Variants in QTRT1 observed in about 807,000 individuals in gnomAD.
QTRT1 encodes the protein queuine tRNA-ribosyltransferase catalytic subunit 1.
A neutral mutation model predicts 44.0 loss-of-function variants in QTRT1; 41 were observed. The ratio of observed to expected loss-of-function variants is 0.93; its 90% CI spans 0.73 to 1.21. QTRT1 has a LOEUF of 1.21. Ranked by LOEUF, QTRT1 falls within the 50% of genes most tolerant of loss-of-function variation. QTRT1 has a pLI of 0.00. For synonymous variants in QTRT1, 226 were observed against 237.1 expected, an observed-to-expected ratio of 0.95 and a Z score of 0.43; for missense variants, 542 against 575.8, an observed-to-expected ratio of 0.94 and a Z score of 0.60.
chr19:10,709,218 T>G (rs1255442529), intron 5 of QTRT1: 1 of 152,234 alleles, frequency 6.6e-6, no homozygotes, highest in Admixed American at 6.6e-5. Flanking sequence ...AAGCCTCAAT[T>G]TCCTCTTGTT....
At chr19:10,709,504 G>C (rs772555009) in intron 5 of QTRT1, 5 of 152,212 alleles carry the variant, frequency 3.3e-5, no homozygotes, top group Admixed American at 6.5e-5. Flanking sequence ...ACGTGGTCAG[G>C]AGTTCGAGAC....
chr19:10,711,764 A>G (rs2068739834), intron 5 of QTRT1: 1 of 271,780 alleles, frequency 3.7e-6, no homozygotes, highest in Non-Finnish European at 7.1e-6. Context: ...GCCTAACATG[A>G]CAGCTGTTAC....
intron 3 of QTRT1, among the ~76,000 whole-genome samples, chr19:10,703,062 C>T (rs1216855738): frequency 9.0e-5 from 12 of 133,202 alleles, no homozygotes; most frequent in Non-Finnish European, 1.7e-4. Context: ...AGCCACCACA[C>T]CTGGCTTTTT....
chr19:10,702,217 G>A lies in QTRT1; in HGVS notation c.414G>A (p.Leu138=), dbSNP rs764114075. 8.7e-6 allele frequency: 14 copies of A among 1,614,030 alleles called. No homozygotes were observed. The highest frequency in any genetic ancestry group is 1.1e-5 in the Non-Finnish European group (13 of 1,180,030). ...RSPYDGNETL[L]SPEKSVQIQN... ...CCTACGACGGCAATGAGACCCTGCT[G>A]AGCCCGGAGAAATCCGTGCAGATCC... Residue 138 remains leucine (L), a synonymous_variant, in exon 3 of 10, where the codon CTG becomes CTA. Transcript: ENST00000250237.
Position 10,713,117 on chromosome 19 carries a change from G to C in QTRT1, c.1060-1G>C. On this transcript the variant is annotated splice_acceptor_variant, in intron 9 of 9. Coordinates refer to ENST00000250237, the MANE Select transcript of QTRT1 (RefSeq NM_031209.3). LOFTEE classifies it high-confidence loss of function. This position sits in a 1 kb window ranked among gnomAD's most constrained non-coding sequence, Gnocchi z 4.3. ...CCCACGCTGACCTCCCCTCCCCGCA[G>C]CTGCAGCTCATGAGCGCCGTCCGCA... The C allele has an allele frequency of 6.2e-7, 1 of 1,609,210 alleles. No homozygotes were observed. Among genetic ancestry groups the C allele is most frequent in the Non-Finnish European group, 8.5e-7 (1 of 1,179,346 alleles).
intron 5 of QTRT1, chr19:10,711,860 A>G (rs1599396668): frequency 2.0e-6 from 1 of 508,084 alleles, no homozygotes; most frequent in East Asian, 3.5e-5. Context: ...CAGCTAAGGG[A>G]CTGTGGGCTG....
At position 10,712,809 on chromosome 19, in the gene QTRT1, G is replaced by T. The variant is rs767510956; in HGVS notation, c.913G>T (p.Val305Leu). The change falls in exon 8 of 10, where the codon GTG becomes TTG. Residue 305 changes from valine to leucine, a missense_variant. By Grantham distance (32) the Val-to-Leu change is conservative. Coordinates refer to ENST00000250237, the MANE Select transcript of QTRT1 (RefSeq NM_031209.3). This position sits in a 1 kb window ranked among gnomAD's most constrained non-coding sequence, Gnocchi z 5.6. ...TGGGAACCTGCAGTTGAGGAAGAAG[G>T]TGTTTGAGAAGGACTTCGGCCCCAT... The part of the protein sequence containing the change: ...PTGNLQLRKK[V>L]FEKDFGPIDP... 3 of 1,614,022 alleles carry T rather than the reference G, an allele frequency of 1.9e-6. No homozygotes were observed. Among genetic ancestry groups the T allele is most frequent in the East Asian group, 2.2e-5 (1 of 44,872 alleles).
intron 3 of QTRT1, among the ~76,000 whole-genome samples, chr19:10,703,814 C>T (rs911605069): frequency 6.6e-6 from 1 of 151,064 alleles, no homozygotes; most frequent in East Asian, 2.0e-4. Flanking sequence ...CCACTGTGCC[C>T]GGCCTATAAG....
At chr19:10,704,265 C>T (rs571274781) in intron 3 of QTRT1, among the ~76,000 whole-genome samples, 2 of 152,320 alleles carry the variant, frequency 1.3e-5, no homozygotes, top group South Asian at 2.1e-4. Context: ...GCATGAGCCA[C>T]TGTGCCAGCC....
chr19:10,702,586 T>C (rs186106255), intron 3 of QTRT1, among the ~76,000 whole-genome samples: 2 of 152,010 alleles, frequency 1.3e-5, no homozygotes, highest in Admixed American at 1.3e-4. Context: ...GGAAGATCAC[T>C]TGAGGCCGGG....
At chr19:10,706,685 CCTTTT>C (rs1470533415) in intron 3 of QTRT1, 136 of 96,094 alleles carry the variant, frequency 1.4e-3, no homozygotes, top group African/African-American at 6.4e-3. Context: ...TTTTTTTTAA[CCTTTT>C]TTTTTTTTTT....
rs114213467 is a variant in QTRT1 at position 10,702,112 on chromosome 19, T to G, written c.313-4T>G. 735 of 1,614,122 alleles carry G rather than the reference T, an allele frequency of 4.6e-4. 3 individuals carry two copies. In the African/African-American group the frequency reaches 9.0e-3, roughly 20 times the overall value. On this transcript the variant is annotated splice_polypyrimidine_tract_variant and splice_region_variant and intron_variant, in intron 2 of 9. Transcript: ENST00000250237. ...TGACAGCTTTGCGGTGGGGTTTCCC[T>G]TAGGACAGCGGCGGTTTCCAGATGG...
At position 10,701,556 on chromosome 19, in the gene QTRT1, G is replaced by C. The variant is rs746428669; in HGVS notation, c.96G>C (p.Glu32Asp). ...ECSRSRARAGELWLPHGTVAT... is the reference protein window; with the variant it reads ...ECSRSRARAGDLWLPHGTVAT... ...GCCGCTCCAGGGCCCGGGCAGGCGA[G>C]CTGTGGCTGCCGCATGGGACAGTGG... Residue 32 changes from glutamate (E) to aspartate (D), a missense_variant, in exon 1 of 10, where the codon GAG becomes GAC. Physicochemically the swap from Glu to Asp is conservative, Grantham distance 45 (BLOSUM62 2). Transcript: ENST00000250237. The C allele has an allele frequency of 6.2e-7, 1 of 1,605,376 alleles. No homozygotes were observed. The highest frequency in any genetic ancestry group is 1.3e-5 in the African/African-American group (1 of 74,838).
rs772853270 is a variant in QTRT1 at position 10,713,131 on chromosome 19, G to A, written c.1073G>A (p.Ser358Asn). 1.9e-6 allele frequency: 3 copies of A among 1,609,290 alleles called. No homozygotes were observed. Among genetic ancestry groups the A allele is most frequent in the Non-Finnish European group, 2.5e-6 (3 of 1,178,904 alleles). Residue 358 changes from serine to asparagine, a missense_variant, in exon 10 of 10, where the codon AGC becomes AAC. By Grantham distance (46) the Ser-to-Asn change is conservative. Coordinates refer to ENST00000250237, the MANE Select transcript of QTRT1 (RefSeq NM_031209.3). The surrounding 1 kb of genome is among the most constrained non-coding windows in gnomAD (Gnocchi z 4.3). ...HNIAYQLQLM[S>N]AVRTSIVEKR... Reference sequence around the variant, plus strand: ...CCCTCCCCGCAGCTGCAGCTCATGAGCGCCGTCCGCACCAGCATCGTGGAG... The same window carrying A: ...CCCTCCCCGCAGCTGCAGCTCATGAACGCCGTCCGCACCAGCATCGTGGAG...
chr19:10,712,934 G>C lies in QTRT1; in HGVS notation c.972-19G>C, dbSNP rs763686577. ...GGACAGGGCCTGGCCGTGCTGAGCT[G>C]TCCCCTGCCGCTCTACAGGCACAGC... On this transcript the variant is annotated intron_variant, in intron 8 of 9. Coordinates refer to ENST00000250237, the MANE Select transcript of QTRT1 (RefSeq NM_031209.3). The surrounding 1 kb of genome is among the most constrained non-coding windows in gnomAD (Gnocchi z 5.6). 6.2e-7 allele frequency: 1 copy of C among 1,613,022 alleles called. No homozygotes were observed. The highest frequency in any genetic ancestry group is 8.5e-7 in the Non-Finnish European group (1 of 1,179,866).
At chr19:10,703,496 A>G (rs1318717578) in intron 3 of QTRT1, among the ~76,000 whole-genome samples, 1 of 152,140 alleles carries the variant, frequency 6.6e-6, no homozygotes, top group Non-Finnish European at 1.5e-5. Context: ...TGAAGCCCCT[A>G]TAACAAAAAC....
In QTRT1 at chr19:10,712,047, G is replaced by C; in HGVS notation, c.647-114G>C. ...TGGCTCTGTCTGTCTGTCTCTGTCTGTTTCTCTGACTCTCTCCCTGAGCGA... is the reference window on the plus strand; with the variant it reads ...TGGCTCTGTCTGTCTGTCTCTGTCTCTTTCTCTGACTCTCTCCCTGAGCGA... On this transcript the variant is annotated intron_variant, in intron 5 of 9. Coordinates refer to ENST00000250237, the MANE Select transcript of QTRT1 (RefSeq NM_031209.3). This position sits in a 1 kb window ranked among gnomAD's most constrained non-coding sequence, Gnocchi z 5.6. 7.4e-7 allele frequency: 1 copy of C among 1,347,316 alleles called. No homozygotes were observed. 83.5% of individuals were successfully genotyped at this position (1,347,316 alleles called of 1,614,324 possible). A position where few individuals can be genotyped will look rare whatever the true frequency, so the allele number is the denominator to read the frequency against.
At chr19:10,709,723 C>T (rs2068730137) in intron 5 of QTRT1, among the ~76,000 whole-genome samples, 2 of 152,266 alleles carry the variant, frequency 1.3e-5, no homozygotes, top group South Asian at 4.1e-4. Context: ...GTGGCGGGCG[C>T]CTGTAGTCTC....
chr19:10,701,512 C>G lies in QTRT1; in HGVS notation c.52C>G (p.Arg18Gly), dbSNP rs753647240. The change falls in exon 1 of 10, where the codon CGG (arginine) becomes GGG (glycine). Residue 18 changes from arginine (R) to glycine (G), a missense_variant. Transcript: ENST00000250237. ...ASLESAPRIM[R>G]LVAECSRSRA... ...CCTGGAGTCGGCCCCACGGATCATGCGGCTGGTGGCCGAATGCAGCCGCTC... is the reference window on the plus strand; with the variant it reads ...CCTGGAGTCGGCCCCACGGATCATGGGGCTGGTGGCCGAATGCAGCCGCTC... 13 of 1,590,038 alleles carry G rather than the reference C, an allele frequency of 8.2e-6. No individual in the cohort carries two copies. The highest frequency in any genetic ancestry group is 1.1e-5 in the Non-Finnish European group (13 of 1,166,232).
Sources: allele counts gnomAD v4.1 joint callset (sites outside exome capture counted in the v4.1 genomes callset), GRCh38; gene constraint gnomAD v4.1.1; non-coding constraint Gnocchi (gnomAD v3.1); transcripts MANE v1.5; gene names NCBI Gene and HGNC (gene_info 2026-07-23, HGNC 2026-07-21).